The following LILRA1 variants were observed in gnomAD, a reference collection of about 807,000 sequenced individuals.
LILRA1 encodes the protein leukocyte immunoglobulin-like receptor subfamily A member 1.
A neutral mutation model predicts 51.6 loss-of-function variants in LILRA1; 51 were observed. The ratio of observed to expected loss-of-function variants is 0.99; its 90% CI spans 0.79 to 1.25. The LOEUF (loss-of-function observed/expected upper bound fraction) is 1.25, where lower values mean the gene tolerates loss of function less well. LILRA1 is among the 50% of genes most tolerant of loss of function. The pLI is 0.00. For synonymous variants in LILRA1, 305 were observed against 248.4 expected (o/e 1.23, Z -2.14); for missense variants, 660 against 611.7 (o/e 1.08, Z -0.83).
chr19:54,594,201 G>T lies in LILRA1; in HGVS notation c.-44G>T, dbSNP rs28635090. ...TGTGTGTCTCTGTCCTGCCAGCACC[G>T]AGGGCTCATCCATCCGCAGAGCAGG... On this transcript the variant is annotated 5_prime_UTR_variant, in exon 2 of 10. Coordinates refer to ENST00000251372, the MANE Select transcript of LILRA1 (RefSeq NM_006863.4). The T allele has an allele frequency of 0.13, 212,104 of 1,599,314 alleles. 19,117 individuals carry two copies. Among genetic ancestry groups the T allele is most frequent in the African/African-American group, 0.46 (33,663 of 73,564 alleles).
In LILRA1 at chr19:54,601,757, T is replaced by C. The variant is rs2063164716; in HGVS notation, c.*940T>C. On this transcript the variant is annotated 3_prime_UTR_variant, in exon 10 of 10. Coordinates refer to ENST00000251372, the MANE Select transcript of LILRA1 (RefSeq NM_006863.4). ...TTGACAAGCAGTTGAGCTGTTTTTT[T>C]CTACTCACCTAGGACAGTCAGGCAG... The C allele has an allele frequency of 1.3e-5, 2 of 152,378 alleles. No homozygotes were observed. The highest frequency in any genetic ancestry group is 2.1e-4 in the South Asian group (1 of 4,828). The allele number at this position is 152,378 out of a possible 1,614,324, so 9.4% of individuals were successfully genotyped here.
chr19:54,595,263 C>T lies in LILRA1; in HGVS notation c.522C>T (p.Thr174=). The change falls in exon 5 of 10, where the codon ACC becomes ACT. Residue 174 remains threonine (T), a synonymous_variant. Transcript: ENST00000251372. The part of the protein sequence containing the change: ...HPQCLNSQPR[T]HGWSRAIFSV... ...AATGCCTGAACTCACAGCCCCGTAC[C>T]CATGGGTGGTCCCGGGCCATCTTCT... is the stretch of plus-strand genomic sequence containing the variant. The T allele has an allele frequency of 6.2e-7, 1 of 1,614,022 alleles. No individual in the cohort carries two copies. Among genetic ancestry groups the T allele is most frequent in the Admixed American group, 1.7e-5 (1 of 60,004 alleles).
chr19:54,600,738 G>T lies in LILRA1; in HGVS notation c.1391G>T (p.Arg464Leu), dbSNP rs201285007. 9 of 1,613,952 alleles carry T rather than the reference G, an allele frequency of 5.6e-6. No homozygotes were observed. Among genetic ancestry groups the T allele is most frequent in the Non-Finnish European group, 7.6e-6 (9 of 1,180,010 alleles). ...PQDYTVENLI[R>L]MGIAGLVLVV... ...GATTACACAGTGGAGAATCTCATCC[G>T]CATGGGCATAGCTGGCTTGGTCCTG... Residue 464 changes from arginine to leucine, a missense_variant, in exon 10 of 10, where the codon CGC (arginine) becomes CTC (leucine). Transcript: ENST00000251372.
intron 8 of LILRA1, chr19:54,599,822 G>A (rs1293717507): frequency 2.9e-5 from 6 of 206,556 alleles, no homozygotes; most frequent in Admixed American, 1.7e-4. Flanking sequence ...TATTTGATGC[G>A]GTAGGTGTTT....
rs2063037563 is a variant in LILRA1 at position 54,595,880 on chromosome 19, C to A, written c.903C>A (p.Tyr301Ter). 6.2e-7 allele frequency: 1 copy of A among 1,613,992 alleles called. No homozygotes were observed. Among genetic ancestry groups the A allele is most frequent in the Admixed American group, 1.7e-5 (1 of 60,022 alleles). ...GCCAGTACAGATGCTCCGGTGCATA[C>A]AACCTCTCCTCCGAGTGGTCGGCCC... is the stretch of plus-strand genomic sequence containing the variant. Reference protein sequence around the residue: ...YGGQYRCSGAYNLSSEWSAPS... With the variant: ...YGGQYRCSGA The change falls in exon 6 of 10, where the codon TAC becomes TAA. Residue 301 changes from tyrosine (Y) to a stop codon, truncating the protein, a stop_gained. Transcript: ENST00000251372. LOFTEE classifies it high-confidence loss of function.
At chr19:54,595,550 A>G in intron 5 of LILRA1, 89 bp from the exon 6 acceptor site, 2 of 1,547,716 alleles carry the variant, frequency 1.3e-6, no homozygotes, top group Non-Finnish European at 1.7e-6. Flanking sequence ...ACACAGGAAG[A>G]TCAGCAGTGG....
In LILRA1 at chr19:54,600,952, C is replaced by T; in HGVS notation, c.*135C>T. On this transcript the variant is annotated 3_prime_UTR_variant, in exon 10 of 10. Coordinates refer to ENST00000251372, the MANE Select transcript of LILRA1 (RefSeq NM_006863.4). The stretch of plus-strand genomic sequence containing the variant: ...GATGCTATCTGGACTGTCTGCCAAT[C>T]ATTTTTAGAGGGAGGAATCAGTGTT... 1.0e-6 allele frequency: 1 copy of T among 972,168 alleles called. No homozygotes were observed. The highest frequency in any genetic ancestry group is 1.6e-6 in the Non-Finnish European group (1 of 615,610). The allele number at this position is 972,168 out of a possible 1,614,324, so 60.2% of individuals were successfully genotyped here. A position where few individuals can be genotyped will look rare whatever the true frequency, so the allele number is the denominator to read the frequency against.
chr19:54,596,024 TG>T (rs1200039766), intron 6 of LILRA1, 89 bp downstream of exon 6: 2 of 1,091,642 alleles, frequency 1.8e-6, no homozygotes, highest in African/African-American at 2.7e-5. Flanking sequence ...GAATGAGGGG[TG>T]GGGGTCCCAA....
rs10418391 is a variant in LILRA1, at chr19:54,595,313, G to A, written c.572G>A (p.Arg191His). Residue 191 changes from arginine to histidine, a missense_variant, in exon 5 of 10, where the codon CGC becomes CAC. Physicochemically the swap from Arg to His is conservative, Grantham distance 29. Coordinates refer to ENST00000251372, the MANE Select transcript of LILRA1 (RefSeq NM_006863.4). ...IFSVGPVSPS[R>H]RWSYRCYAYD... ...TCTGTGGGCCCCGTGAGCCCGAGTC[G>A]CAGGTGGTCGTACAGGTGCTATGCT... 0.06 allele frequency: 95,997 copies of A among 1,612,802 alleles called. 6,530 individuals are homozygous for A. The highest frequency in any genetic ancestry group is 0.36 in the African/African-American group (26,719 of 73,948).
chr19:54,597,226 G>C (rs548927584), intron 7 of LILRA1, among the ~76,000 whole-genome samples: 9 of 152,222 alleles, frequency 5.9e-5, no homozygotes, highest in African/African-American at 2.2e-4. Flanking sequence ...CTAATATTCA[G>C]GGTCTGATTT....
Position 54,595,097 on chromosome 19 carries a change from T to C in LILRA1, c.359-3T>C, listed in dbSNP as rs377278377. On this transcript the variant is annotated splice_polypyrimidine_tract_variant and splice_region_variant and intron_variant, in intron 4 of 9. Coordinates refer to ENST00000251372, the MANE Select transcript of LILRA1 (RefSeq NM_006863.4). ...TTTAACATGGTGCCTCCTTCTCTCC[T>C]AGGAGCCTACATCAAACCCACCCTC... 262 of 1,612,362 alleles carry C rather than the reference T, an allele frequency of 1.6e-4. No homozygotes were observed. The highest frequency in any genetic ancestry group is 1.5e-4 in the Non-Finnish European group (177 of 1,178,966).
At chr19:54,594,976 A>T in intron 4 of LILRA1, 24 bp downstream of exon 4, 2 of 1,612,556 alleles carry the variant, frequency 1.2e-6, no homozygotes, top group Middle Eastern at 1.7e-4. Context: ...GAGGGCTCCC[A>T]GCCCCAGGCT....
rs369831158 is a variant in LILRA1 at position 54,597,607 on chromosome 19, C to T, written c.1261+1116C>T. ...TTTGGGGTCCAGCCTGACTTGGACA[C>T]GTGGAAGATGCTGGGGCTGATGGAG... On this transcript the variant is annotated intron_variant, in intron 7 of 9. Transcript: ENST00000251372. Among the ~76,000 whole-genome samples the T allele has an allele frequency of 9.1e-4, 138 of 152,014 alleles. 1 individual carries two copies. In the South Asian group the frequency reaches 0.027, roughly 30 times the overall value.
At position 54,600,570 on chromosome 19, in the gene LILRA1, C is replaced by A. The variant is rs773216959; in HGVS notation, c.1351+20C>A. On this transcript the variant is annotated intron_variant, in intron 9 of 9. Coordinates refer to ENST00000251372, the MANE Select transcript of LILRA1 (RefSeq NM_006863.4). ...AGACTGGTGAGTGAGGAGATGCTCT[C>A]GTTTACGGTGCTGGGCACAAGGGTT... The A allele has an allele frequency of 1.2e-6, 2 of 1,613,890 alleles. No homozygotes were observed. The highest frequency in any genetic ancestry group is 2.2e-5 in the South Asian group (2 of 91,082).
At position 54,600,909 on chromosome 19, in the gene LILRA1, G is replaced by A. The variant is rs375865055; in HGVS notation, c.*92G>A. ...AGATCTGATGATGCCAGGAGGTTCC[G>A]GGAGACAATTTAGGGCTGATGCTAT... On this transcript the variant is annotated 3_prime_UTR_variant, in exon 10 of 10. Coordinates refer to ENST00000251372, the MANE Select transcript of LILRA1 (RefSeq NM_006863.4). 12 of 1,440,056 alleles carry A rather than the reference G, an allele frequency of 8.3e-6. No individual in the cohort carries two copies. The highest frequency in any genetic ancestry group is 1.7e-5 in the Admixed American group (1 of 59,256). 89.2% of individuals were successfully genotyped at this position (1,440,056 alleles called of 1,614,324 possible).
rs760252581 is a variant in LILRA1 at position 54,600,044 on chromosome 19, G to A, written c.1313-468G>A. Among the ~76,000 whole-genome samples, 156 of 152,184 alleles carry A rather than the reference G, an allele frequency of 1.0e-3. 5 individuals carry two copies. Among genetic ancestry groups the A allele is most frequent in the Non-Finnish European group, 2.1e-4 (14 of 68,032 alleles). ...TTAAATGGAAGATGAAACCCCAGGT[G>A]AACTGGCTGAGGCTGTGTGAAGAAG... On this transcript the variant is annotated intron_variant, in intron 8 of 9. Coordinates refer to ENST00000251372, the MANE Select transcript of LILRA1 (RefSeq NM_006863.4).
Position 54,595,799 on chromosome 19 carries a change from G to T in LILRA1, c.822G>T (p.Gln274His). The change falls in exon 6 of 10, where the codon CAG becomes CAT. Residue 274 changes from glutamine to histidine, a missense_variant. Physicochemically the swap from Gln to His is conservative, Grantham distance 24 (BLOSUM62 0). Coordinates refer to ENST00000251372, the MANE Select transcript of LILRA1 (RefSeq NM_006863.4). ...TCCAGCTCCCTGGCCCACAGCCCCA[G>T]GCTGGGCTCTCCCAGGCCAACTTCA... is the stretch of plus-strand genomic sequence containing the variant. ...DFLQLPGPQP[Q>H]AGLSQANFTL... 6.2e-7 allele frequency: 1 copy of T among 1,614,204 alleles called. No homozygotes were observed. Among genetic ancestry groups the T allele is most frequent in the African/African-American group, 1.3e-5 (1 of 75,062 alleles).
At chr19:54,598,961 A>G (rs2063114999) in intron 7 of LILRA1, among the ~76,000 whole-genome samples, 1 of 151,856 alleles carries the variant, frequency 6.6e-6, no homozygotes, top group Admixed American at 6.6e-5. Context: ...ATGCCCCGCT[A>G]ATTTTTGTAT....
chr19:54,598,662 C>T (rs2063108168), intron 7 of LILRA1, among the ~76,000 whole-genome samples: 1 of 152,128 alleles, frequency 6.6e-6, no homozygotes, highest in African/African-American at 2.4e-5. Flanking sequence ...ATATGAAATA[C>T]AATGAATATA....
Sources: gnomAD v4.1 joint callset for allele counts (sites outside exome capture counted in the v4.1 genomes callset) on GRCh38, gnomAD v4.1.1 for gene constraint, MANE v1.5 for transcripts, NCBI Gene and HGNC (gene_info 2026-07-23, HGNC 2026-07-21) for gene names.